SNX14: variants seen among roughly 807,000 people sequenced by gnomAD.
SNX14 encodes sorting nexin 14, also known as sorting nexin-14.
Under a neutral mutation model 133.8 loss-of-function variants are expected in SNX14, and 93 were observed. That is an observed-to-expected ratio of 0.70 (90% CI 0.59 to 0.83). SNX14 has a LOEUF of 0.83. Ranked by LOEUF, SNX14 falls within the 40% of genes least tolerant of loss-of-function variation. SNX14 has a pLI of 0.00. For synonymous variants in SNX14, 368 were observed against 365.6 expected, an observed-to-expected ratio of 1.01 and a Z score of -0.07; for missense variants, 945 against 1,094.9, an observed-to-expected ratio of 0.86 and a Z score of 1.93.
chr6:85,540,043 C>T (rs966386295), intron 15 of SNX14, among the ~76,000 whole-genome samples: 3 of 151,606 alleles, frequency 2.0e-5, no homozygotes, highest in African/African-American at 7.3e-5. Context: ...CTCACTGTAA[C>T]CTCTGCCTCC....
intron 1 of SNX14, among the ~76,000 whole-genome samples, chr6:85,588,456 AGTCCCAGCT>A (rs1801714522): frequency 6.6e-6 from 1 of 151,840 alleles, no homozygotes; most frequent in African/African-American, 2.4e-5. Context: ...GGGCGCCTGT[AGTCCCAGCT>A]ACTTGGGAGG....
In SNX14 at chr6:85,548,319, C is replaced by CAAAGAA. The variant is rs752371246; in HGVS notation, c.843_848dup (p.Ser282_Leu283insPheSer). ...GTCTTACTGGATCAGCTAGGAAATC[C>CAAAGAA]AAAGAAGGAAGGAACACAGAGCCAG... is the stretch of plus-strand genomic sequence containing the variant. On this transcript the variant is annotated inframe_insertion, in exon 9 of 29. Transcript: ENST00000314673. The CAAAGAA allele has an allele frequency of 2.6e-5, 42 of 1,606,156 alleles. No individual in the cohort carries two copies. The highest frequency in any genetic ancestry group is 1.9e-5 in the Non-Finnish European group (22 of 1,177,478).
intron 7 of SNX14, among the ~76,000 whole-genome samples, chr6:85,550,659 C>T (rs555519165): frequency 2.4e-4 from 37 of 152,054 alleles, no homozygotes; most frequent in East Asian, 9.6e-4. Flanking sequence ...CTCCTGTGCC[C>T]GGCTAATTTT....
intron 7 of SNX14, among the ~76,000 whole-genome samples, chr6:85,555,235 G>A (rs1036271056): frequency 2.6e-5 from 4 of 152,068 alleles, no homozygotes; most frequent in African/African-American, 9.7e-5. Context: ...TTTGTCTTTA[G>A]AACAAAATTA....
At chr6:85,559,902 T>C (rs190488405) in intron 6 of SNX14, among the ~76,000 whole-genome samples, 124 of 152,308 alleles carry the variant, frequency 8.1e-4, no homozygotes, top group African/African-American at 2.7e-3. Flanking sequence ...CTCAACATTA[T>C]TGGCATCAGG....
chr6:85,546,731 G>C (rs1448778824), intron 12 of SNX14, among the ~76,000 whole-genome samples: 1 of 152,098 alleles, frequency 6.6e-6, no homozygotes, highest in Non-Finnish European at 1.5e-5. Flanking sequence ...GGGAGGCCGA[G>C]GTGGGTGGAT....
At chr6:85,563,776 TTTA>T (rs1322016332) in intron 6 of SNX14, among the ~76,000 whole-genome samples, 1 of 152,190 alleles carries the variant, frequency 6.6e-6, no homozygotes, top group Non-Finnish European at 1.5e-5. Flanking sequence ...TTTTTTCTTT[TTTA>T]TTATTATTAT....
chr6:85,565,361 C>CA lies in SNX14; in HGVS notation c.519dup (p.Ala174CysfsTer34). Reference sequence around the variant, plus strand: ...TGAATCCTTCTTATTAAGACAGATGCAAAAAAACGTAATGTTATTCTCAGT... The same window carrying CA: ...TGAATCCTTCTTATTAAGACAGATGCAAAAAAAACGTAATGTTATTCTCAGT... On this transcript the variant is annotated frameshift_variant, in exon 6 of 29. Transcript: ENST00000314673. LOFTEE classifies it high-confidence loss of function. 6.2e-7 allele frequency: 1 copy of CA among 1,600,202 alleles called. No homozygotes were observed. Among genetic ancestry groups the CA allele is most frequent in the Non-Finnish European group, 8.5e-7 (1 of 1,172,996 alleles).
chr6:85,523,000 C>T (rs569944829), intron 21 of SNX14, among the ~76,000 whole-genome samples: 5 of 152,280 alleles, frequency 3.3e-5, no homozygotes, highest in South Asian at 2.1e-4. Context: ...AAGAACCAGC[C>T]GTCCCTTTCT....
intron 14 of SNX14, among the ~76,000 whole-genome samples, chr6:85,542,278 G>A (rs1480829306): frequency 6.6e-6 from 1 of 152,114 alleles, no homozygotes; most frequent in Admixed American, 6.6e-5. Flanking sequence ...GTACTACAAA[G>A]CCACTCAGGC....
intron 7 of SNX14, among the ~76,000 whole-genome samples, chr6:85,553,079 G>A (rs1389016136): frequency 6.6e-6 from 1 of 152,142 alleles, no homozygotes; most frequent in Non-Finnish European, 1.5e-5. Context: ...TGCCACTGGG[G>A]AATTCAGGTC....
At chr6:85,575,946 T>C (rs1797186164) in intron 1 of SNX14, among the ~76,000 whole-genome samples, 1 of 152,252 alleles carries the variant, frequency 6.6e-6, no homozygotes, top group Admixed American at 6.5e-5. Context: ...ACTCTTAATA[T>C]GTTTTTTACA....
chr6:85,555,380 A>T (rs1228529836), intron 7 of SNX14, among the ~76,000 whole-genome samples: 1 of 152,264 alleles, frequency 6.6e-6, no homozygotes, highest in African/African-American at 2.4e-5. Context: ...ATATCCGTAC[A>T]ATGGAAAATA....
At chr6:85,588,312 G>A (rs911853871) in intron 1 of SNX14, among the ~76,000 whole-genome samples, 6 of 151,816 alleles carry the variant, frequency 4.0e-5, no homozygotes, top group Non-Finnish European at 8.8e-5. Flanking sequence ...GGTGGCTCAC[G>A]CCTGTAATCC....
intron 16 of SNX14, 160 bp from the exon 17 acceptor site, chr6:85,537,084 C>A: frequency 1.7e-6 from 1 of 576,226 alleles, no homozygotes; most frequent in Non-Finnish European, 2.7e-6. Flanking sequence ...GATTAAGTAT[C>A]AACATCTCAG....
At position 85,517,439 on chromosome 6, in the gene SNX14, C is replaced by T. The variant is rs535812277; in HGVS notation, c.2268+317G>A. The T allele has an allele frequency of 1.2e-4, 22 of 176,028 alleles. 1 individual carries two copies. In the South Asian group the frequency reaches 4.2e-3, roughly 33 times the overall value. The allele number at this position is 176,028 out of a possible 1,614,324, so 10.9% of individuals were successfully genotyped here. On this transcript the variant is annotated intron_variant, in intron 23 of 28. Transcript: ENST00000314673. ...GGTAATGCCATCCAATAAACATAAA[C>T]ACAGTATAGCAATTAATTTCTTATT...
At chr6:85,521,727 C>A (rs994682692) in intron 21 of SNX14, among the ~76,000 whole-genome samples, 1 of 152,202 alleles carries the variant, frequency 6.6e-6, no homozygotes, top group Admixed American at 6.5e-5. Context: ...ATTACTTTTG[C>A]ACCAACCTAA....
rs190188718 is a variant in SNX14 at position 85,516,508 on chromosome 6, A to C, written c.2268+1248T>G. On this transcript the variant is annotated intron_variant, in intron 23 of 28. Coordinates refer to ENST00000314673, the MANE Select transcript of SNX14 (RefSeq NM_153816.6). Reference sequence around the variant, plus strand: ...TTACCAACTCTATCAAATATTTATAAAAAGTCTACCAAAAATAAAAAATGC... The same window carrying C: ...TTACCAACTCTATCAAATATTTATACAAAGTCTACCAAAAATAAAAAATGC... Among the ~76,000 whole-genome samples, 418 of 152,304 alleles carry C rather than the reference A, an allele frequency of 2.7e-3. 1 individual carries two copies. The highest frequency in any genetic ancestry group is 9.6e-3 in the African/African-American group (399 of 41,564).
chr6:85,572,287 A>T lies in SNX14; in HGVS notation c.338+11T>A. 1 of 1,612,404 alleles carries T rather than the reference A, an allele frequency of 6.2e-7. No homozygotes were observed. The highest frequency in any genetic ancestry group is 8.5e-7 in the Non-Finnish European group (1 of 1,179,066). Reference sequence around the variant, plus strand: ...TAGAAGGATCAACAAATAAAAAAATATTTAACTTACCTATGTCGTTTACAT... The same window carrying T: ...TAGAAGGATCAACAAATAAAAAAATTTTTAACTTACCTATGTCGTTTACAT... On this transcript the variant is annotated intron_variant, in intron 3 of 28. Transcript: ENST00000314673.
Sources: gnomAD v4.1 joint callset for allele counts (sites outside exome capture counted in the v4.1 genomes callset) on GRCh38, gnomAD v4.1.1 for gene constraint, MANE v1.5 for transcripts, NCBI Gene and HGNC (gene_info 2026-07-23, HGNC 2026-07-21) for gene names.